The following ALK variants were observed in gnomAD, a reference collection of about 807,000 sequenced individuals.
ALK encodes the protein ALK receptor tyrosine kinase.
A neutral mutation model predicts 163.1 loss-of-function variants in ALK; 74 were observed. The observed-to-expected ratio is 0.45, with a 90% CI of 0.38 to 0.55. ALK has a LOEUF of 0.55. Ranked by LOEUF, ALK falls within the 20% of genes least tolerant of loss-of-function variation. ALK has a pLI of 0.00. For missense variants in ALK, 2,063 were observed against 2,105.3 expected (o/e 0.98, Z 0.39); for synonymous variants, 960 against 843.2 (o/e 1.14, Z -2.40).
chr2:29,403,843 T>C (rs561728640), intron 4 of ALK, among the ~76,000 whole-genome samples: 4 of 150,598 alleles, frequency 2.7e-5, no homozygotes, highest in South Asian at 2.1e-4. Flanking sequence ...GCCAGGGAAG[T>C]TGAGGCTGCA....
At chr2:29,384,733 T>A (rs1250173851) in intron 4 of ALK, among the ~76,000 whole-genome samples, 1 of 152,184 alleles carries the variant, frequency 6.6e-6, no homozygotes, top group Non-Finnish European at 1.5e-5. Context: ...GATTATTTGA[T>A]ATTTTCTTTC....
At chr2:29,828,316 T>C (rs1186377408) in intron 1 of ALK, among the ~76,000 whole-genome samples, 1 of 152,022 alleles carries the variant, frequency 6.6e-6, no homozygotes, top group Non-Finnish European at 1.5e-5. Flanking sequence ...AATTGACAAA[T>C]GGGATCGAAT....
chr2:29,730,011 T>G (rs1203931793), intron 1 of ALK, among the ~76,000 whole-genome samples: 1 of 152,136 alleles, frequency 6.6e-6, no homozygotes, highest in Non-Finnish European at 1.5e-5. Context: ...CCCATGAGAT[T>G]TGTCTGCAGG....
intron 4 of ALK, 82 bp downstream of exon 4, chr2:29,531,833 G>C (rs555432339): frequency 7.2e-7 from 1 of 1,384,556 alleles, no homozygotes; most frequent in African/African-American, 1.4e-5. Context: ...TTTGTAAGTA[G>C]ATGTCACAGA....
At chr2:29,290,423 T>C (rs1665990690) in intron 9 of ALK, among the ~76,000 whole-genome samples, 1 of 152,238 alleles carries the variant, frequency 6.6e-6, no homozygotes, top group Non-Finnish European at 1.5e-5. Context: ...AGGCGAGTGA[T>C]GTCTGCTCCT....
chr2:29,261,715 A>G (rs761784620), intron 11 of ALK, among the ~76,000 whole-genome samples: 21 of 151,528 alleles, frequency 1.4e-4, no homozygotes, highest in Non-Finnish European at 2.4e-4. Context: ...GGGCTATTTG[A>G]CTCTTCACTA....
intron 3 of ALK, among the ~76,000 whole-genome samples, chr2:29,651,023 AGTG>A (rs1677022049): frequency 6.6e-6 from 1 of 152,108 alleles, no homozygotes; most frequent in Non-Finnish European, 1.5e-5. Flanking sequence ...TTGAAACAAC[AGTG>A]GTGTGGGATG....
At chr2:29,799,982 G>C (rs1355618125) in intron 1 of ALK, among the ~76,000 whole-genome samples, 1 of 152,184 alleles carries the variant, frequency 6.6e-6, no homozygotes, top group African/African-American at 2.4e-5. Flanking sequence ...GCCGCATTAG[G>C]GTGCAGAATA....
chr2:29,473,853 C>CAAAACAAAAACA (rs61386576), intron 4 of ALK, among the ~76,000 whole-genome samples: 35,125 of 150,842 alleles, frequency 0.23, 4,231 homozygotes, highest in East Asian at 0.35. Flanking sequence ...GAGACTTTGT[C>CAAAACAAAAACA]AAAACAAAAA....
At chr2:29,866,035 G>A (rs1333861011) in intron 1 of ALK, among the ~76,000 whole-genome samples, 1 of 152,006 alleles carries the variant, frequency 6.6e-6, no homozygotes, top group Non-Finnish European at 1.5e-5. Context: ...TTTTGTTTTT[G>A]TTTTTAACTA....
chr2:29,312,775 A>G (rs1296272523), intron 8 of ALK, among the ~76,000 whole-genome samples: 1 of 152,204 alleles, frequency 6.6e-6, no homozygotes, highest in African/African-American at 2.4e-5. Context: ...GTGTGAAAAC[A>G]ATCCCCAGCC....
At position 29,609,279 on chromosome 2, in the gene ALK, T is replaced by G. The variant is rs968374776; in HGVS notation, c.953-77163A>C. Among the ~76,000 whole-genome samples, 26 of 152,256 alleles carry G rather than the reference T, an allele frequency of 1.7e-4. No individual in the cohort carries two copies. In the Middle Eastern group the frequency reaches 0.017, roughly 100 times the overall value. ...CTGGGTGAATAGTTGTTTTTTTGTG[T>G]GTGGTTTTTTTTCTTTTGTCCACTC... is the stretch of plus-strand genomic sequence containing the variant. On this transcript the variant is annotated intron_variant, in intron 3 of 28. Coordinates refer to ENST00000389048, the MANE Select transcript of ALK (RefSeq NM_004304.5).
intron 4 of ALK, among the ~76,000 whole-genome samples, chr2:29,397,415 C>G (rs1387716180): frequency 6.6e-6 from 1 of 152,198 alleles, no homozygotes; most frequent in Non-Finnish European, 1.5e-5. Flanking sequence ...ACCAACCCTG[C>G]TGACACCTTG....
intron 5 of ALK, among the ~76,000 whole-genome samples, chr2:29,335,932 T>G (rs1432840904): frequency 6.6e-6 from 1 of 151,900 alleles, no homozygotes; most frequent in East Asian, 1.9e-4. Context: ...CACAGCTACT[T>G]GGGAGGGCTG....
At chr2:29,583,043 T>TTTTTTTTG (rs1553335221) in intron 3 of ALK, among the ~76,000 whole-genome samples, 1 of 42,968 alleles carries the variant, frequency 2.3e-5, no homozygotes, top group African/African-American at 7.8e-5. Flanking sequence ...TTGTTTTTTG[T>TTTTTTTTG]TTTTTTGTTT....
intron 3 of ALK, among the ~76,000 whole-genome samples, chr2:29,624,079 C>T (rs1416774244): frequency 1.3e-5 from 2 of 152,256 alleles, no homozygotes; most frequent in Non-Finnish European, 2.9e-5. Flanking sequence ...CAAGACTCTT[C>T]GTAGAAAGGT....
At chr2:29,256,727 G>T (rs1484469850) in intron 11 of ALK, among the ~76,000 whole-genome samples, 2 of 152,092 alleles carry the variant, frequency 1.3e-5, no homozygotes, top group African/African-American at 2.4e-5. Flanking sequence ...ACAGGTGAGA[G>T]TATGGTCACT....
intron 1 of ALK, among the ~76,000 whole-genome samples, chr2:29,842,559 C>T (rs768970455): frequency 1.3e-5 from 2 of 152,168 alleles, no homozygotes; most frequent in Non-Finnish European, 2.9e-5. Context: ...CTCAAGTTCC[C>T]AGGTTAGTTA....
chr2:29,617,415 C>T (rs899450078), intron 3 of ALK, among the ~76,000 whole-genome samples: 3 of 152,196 alleles, frequency 2.0e-5, no homozygotes, highest in East Asian at 1.9e-4. Context: ...TGTAGGCCCT[C>T]GACAAGGGGC....
Sources: allele counts gnomAD v4.1 joint callset (sites outside exome capture counted in the v4.1 genomes callset), GRCh38; gene constraint gnomAD v4.1.1; transcripts MANE v1.5; gene names NCBI Gene and HGNC (gene_info 2026-07-23, HGNC 2026-07-21).